Variants in RYR3 observed in about 807,000 individuals in gnomAD.
RYR3 encodes the protein ryanodine receptor 3.
A neutral mutation model predicts 584.3 loss-of-function variants in RYR3; 207 were observed. The observed-to-expected ratio is 0.35, with a 90% CI of 0.32 to 0.40. RYR3 has a LOEUF of 0.40. RYR3 is among the 10% of genes least tolerant of loss of function. The probability of loss-of-function intolerance (pLI) is 1.00; values close to 1 mark genes in which losing one functional copy is unlikely to be tolerated. For missense variants in RYR3, 5,616 were observed against 6,089.2 expected (o/e 0.92, Z 2.59); for synonymous variants, 2,416 against 2,248.5 (o/e 1.07, Z -2.11).
At chr15:33,575,992 A>G (rs2058283403) in intron 12 of RYR3, among the ~76,000 whole-genome samples, 1 of 152,234 alleles carries the variant, frequency 6.6e-6, no homozygotes, top group African/African-American at 2.4e-5. Context: ...CTCTATGCAA[A>G]TAAACTAGAA....
At chr15:33,806,535 C>T (rs991491706) in intron 69 of RYR3, among the ~76,000 whole-genome samples, 1 of 151,662 alleles carries the variant, frequency 6.6e-6, no homozygotes, top group Non-Finnish European at 1.5e-5. Context: ...AACGTTTCCA[C>T]CACCAAATTT....
intron 1 of RYR3, among the ~76,000 whole-genome samples, chr15:33,384,531 A>C (rs138890053): frequency 0.013 from 1,830 of 145,900 alleles, 38 homozygotes; most frequent in African/African-American, 0.044. Context: ...TAATAATATT[A>C]ATTTAATTAA....
rs774950676 is a variant in RYR3 at position 33,603,256 on chromosome 15, T to A, written c.2056T>A (p.Ser686Thr). ...EPTHLRVGWA[S>T]SSGYAPYPGG... ...CACACATCTGCGGGTGGGCTGGGCC[T>A]CTTCTTCAGGCTATGCCCCATACCC... The change falls in exon 18 of 104, where the codon TCT becomes ACT. Residue 686 changes from serine (S) to threonine (T), a missense_variant. Transcript: ENST00000634891. The A allele has an allele frequency of 3.1e-6, 5 of 1,613,778 alleles. No homozygotes were observed. The East Asian group carries it at 8.9e-5, about 29-fold the overall frequency.
At chr15:33,772,552 C>T (rs928286922) in intron 63 of RYR3, among the ~76,000 whole-genome samples, 3 of 152,068 alleles carry the variant, frequency 2.0e-5, no homozygotes, top group Non-Finnish European at 4.4e-5. Context: ...TCATTGGATA[C>T]CAGGAGCAAA....
At chr15:33,762,254 A>G (rs1434866187) in intron 60 of RYR3, among the ~76,000 whole-genome samples, 3 of 152,236 alleles carry the variant, frequency 2.0e-5, no homozygotes, top group Non-Finnish European at 2.9e-5. Context: ...AGTTCTGGCC[A>G]GGGCAATCAG....
chr15:33,710,246 C>T (rs1249239265), intron 43 of RYR3, among the ~76,000 whole-genome samples: 6 of 151,690 alleles, frequency 4.0e-5, no homozygotes, highest in African/African-American at 7.3e-5. Context: ...AGGGAGCTTC[C>T]GATCATGGCA....
chr15:33,764,299 C>T (rs1466863063), intron 60 of RYR3, among the ~76,000 whole-genome samples: 1 of 152,020 alleles, frequency 6.6e-6, no homozygotes, highest in Non-Finnish European at 1.5e-5. Context: ...AAGCTGAAAA[C>T]ACTCATTCTC....
At chr15:33,356,899 A>G (rs910546508) in intron 1 of RYR3, among the ~76,000 whole-genome samples, 2 of 152,238 alleles carry the variant, frequency 1.3e-5, no homozygotes, top group African/African-American at 4.8e-5. Flanking sequence ...TTCGGGGGCC[A>G]TAGTTGAGCA....
chr15:33,816,794 A>T, intron 74 of RYR3, 68 bp from the exon 75 acceptor site: 1 of 1,028,960 alleles, frequency 9.7e-7, no homozygotes, highest in Non-Finnish European at 1.5e-6. Context: ...ACTAACCATT[A>T]ACTGCCCAAA....
intron 1 of RYR3, among the ~76,000 whole-genome samples, chr15:33,435,141 G>A (rs4780119): frequency 6.6e-6 from 1 of 151,192 alleles, no homozygotes; most frequent in Non-Finnish European, 1.5e-5. Flanking sequence ...AAGTTCAGGG[G>A]TACATGTGCA....
At chr15:33,631,703 A>G (rs1046454199) in intron 23 of RYR3, among the ~76,000 whole-genome samples, 3 of 152,146 alleles carry the variant, frequency 2.0e-5, no homozygotes, top group African/African-American at 7.2e-5. Context: ...TTGACCTCCT[A>G]TATCTGCCTG....
At chr15:33,656,120 G>A (rs2062810938) in intron 32 of RYR3, among the ~76,000 whole-genome samples, 1 of 152,356 alleles carries the variant, frequency 6.6e-6, no homozygotes, top group East Asian at 1.9e-4. Context: ...CAGCTATGAG[G>A]TTTGGATTTA....
intron 1 of RYR3, among the ~76,000 whole-genome samples, chr15:33,431,170 A>T (rs1567221396): frequency 6.6e-6 from 1 of 152,362 alleles, no homozygotes; most frequent in East Asian, 1.9e-4. Flanking sequence ...CTTCTTCAGT[A>T]TAACTAGCAG....
At chr15:33,422,668 G>T (rs966198441) in intron 1 of RYR3, among the ~76,000 whole-genome samples, 1 of 152,050 alleles carries the variant, frequency 6.6e-6, no homozygotes, top group Admixed American at 6.6e-5. Flanking sequence ...AGAGAACCTC[G>T]CACATCCTGG....
At chr15:33,374,253 G>T (rs1321817875) in intron 1 of RYR3, among the ~76,000 whole-genome samples, 2 of 152,148 alleles carry the variant, frequency 1.3e-5, no homozygotes, top group African/African-American at 4.8e-5. Context: ...GCCTCCTCAG[G>T]TTGACTGAGA....
At chr15:33,815,127 T>A (rs2076749166) in intron 74 of RYR3, among the ~76,000 whole-genome samples, 2 of 151,384 alleles carry the variant, frequency 1.3e-5, no homozygotes, top group South Asian at 4.2e-4. Flanking sequence ...AACAGATCTC[T>A]TTCAAGAAAC....
chr15:33,530,768 T>TGGAACAAC (rs2054802361), intron 4 of RYR3, 102 bp downstream of exon 4: 1 of 832,776 alleles, frequency 1.2e-6, no homozygotes, highest in Admixed American at 2.0e-5. Context: ...GCAGGAACAA[T>TGGAACAAC]TGGAACATAA....
intron 4 of RYR3, among the ~76,000 whole-genome samples, chr15:33,531,119 A>G (rs996689917): frequency 2.0e-5 from 3 of 152,148 alleles, no homozygotes; most frequent in Non-Finnish European, 2.9e-5. Flanking sequence ...AGCTAAGAGA[A>G]ATAGAATGGT....
At chr15:33,562,321 G>T (rs1055014183) in intron 10 of RYR3, among the ~76,000 whole-genome samples, 12 of 152,172 alleles carry the variant, frequency 7.9e-5, no homozygotes, top group African/African-American at 2.9e-4. Context: ...TTAAGCCACG[G>T]TATTAACCCC....
Sources: gnomAD v4.1 joint callset for allele counts (sites outside exome capture counted in the v4.1 genomes callset) on GRCh38, gnomAD v4.1.1 for gene constraint, MANE v1.5 for transcripts, NCBI Gene and HGNC (gene_info 2026-07-23, HGNC 2026-07-21) for gene names.